Variants in ROBO2 observed in about 807,000 individuals in gnomAD.
ROBO2 encodes roundabout homolog 2.
In ROBO2, 53 loss-of-function variants were observed where a neutral mutation model predicts 160.8. The observed-to-expected ratio is 0.33, with a 90% CI of 0.26 to 0.41. The LOEUF is 0.41. Ranked by LOEUF, ROBO2 falls within the 10% of genes least tolerant of loss-of-function variation. The probability of loss-of-function intolerance (pLI) is 1.00; values close to 1 mark genes in which losing one functional copy is unlikely to be tolerated. For missense variants in ROBO2, 1,577 were observed against 1,722.4 expected, an observed-to-expected ratio of 0.92 and a Z score of 1.49; for synonymous variants, 664 against 611.7, an observed-to-expected ratio of 1.09 and a Z score of -1.26.
chr3:76,518,298 T>A (rs1334936303), intron 2 of ROBO2, among the ~76,000 whole-genome samples: 1 of 152,110 alleles, frequency 6.6e-6, no homozygotes, highest in African/African-American at 2.4e-5. Context: ...TTTTTAGAAT[T>A]TTTTTTCTTA....
At chr3:77,623,353 G>C (rs922082770) in intron 23 of ROBO2, among the ~76,000 whole-genome samples, 3 of 152,082 alleles carry the variant, frequency 2.0e-5, no homozygotes, top group Admixed American at 6.6e-5. Flanking sequence ...TTTCATCCTA[G>C]GAGATATTTT....
intron 2 of ROBO2, among the ~76,000 whole-genome samples, chr3:77,389,236 G>T (rs1404229641): frequency 2.6e-5 from 4 of 152,120 alleles, no homozygotes; most frequent in Admixed American, 2.6e-4. Context: ...GAGCCACCAC[G>T]CCAGGCCTTA....
At position 77,365,281 on chromosome 3, in the gene ROBO2, C is replaced by T. The variant is rs576612672; in HGVS notation, c.389-112133C>T. Reference sequence around the variant, plus strand: ...ATGGAGTTTTCTTCTTGACTGAAAGCTCCACTGAAGGAGGGTTTATGGCAG... The same window carrying T: ...ATGGAGTTTTCTTCTTGACTGAAAGTTCCACTGAAGGAGGGTTTATGGCAG... On this transcript the variant is annotated intron_variant, in intron 2 of 25. Transcript: ENST00000461745. Among the ~76,000 whole-genome samples, 22 of 152,168 alleles carry T rather than the reference C, an allele frequency of 1.4e-4. No homozygotes were observed. In the South Asian group the frequency reaches 4.1e-3, roughly 29 times the overall value.
chr3:76,920,653 CATT>C (rs2076597241), intron 2 of ROBO2, among the ~76,000 whole-genome samples: 1 of 152,206 alleles, frequency 6.6e-6, no homozygotes, highest in South Asian at 2.1e-4. Context: ...TGCTTAAAAA[CATT>C]ATATATGACA....
intron 6 of ROBO2, among the ~76,000 whole-genome samples, chr3:77,543,890 CT>C (rs1239818994): frequency 6.6e-6 from 1 of 152,024 alleles, no homozygotes; most frequent in Non-Finnish European, 1.5e-5. Context: ...TTATTCAAAT[CT>C]TTTAAGTGAC....
At chr3:77,538,726 A>G in intron 6 of ROBO2, 2 of 298,530 alleles carry the variant, frequency 6.7e-6, no homozygotes, top group South Asian at 5.8e-5. Flanking sequence ...GTAAAAATTA[A>G]ATAAAATTAA....
At chr3:76,052,461 C>G (rs2067686995) in intron 2 of ROBO2, among the ~76,000 whole-genome samples, 1 of 151,732 alleles carries the variant, frequency 6.6e-6, no homozygotes. Context: ...ATTTCATACC[C>G]CAATTATTTC....
chr3:76,255,689 A>C (rs1024132892), intron 2 of ROBO2, among the ~76,000 whole-genome samples: 20 of 152,144 alleles, frequency 1.3e-4, no homozygotes, highest in Admixed American at 2.0e-4. Context: ...TAAATTTAAG[A>C]GTTCAATCGA....
At chr3:76,197,355 C>A (rs539928524) in intron 2 of ROBO2, among the ~76,000 whole-genome samples, 21 of 122,012 alleles carry the variant, frequency 1.7e-4, no homozygotes, top group South Asian at 8.1e-4. Context: ...TGGATCTGGG[C>A]CTGCCTTTCT....
At chr3:77,530,831 CATTT>C (rs1235488040) in intron 6 of ROBO2, among the ~76,000 whole-genome samples, 1 of 151,944 alleles carries the variant, frequency 6.6e-6, no homozygotes, top group Non-Finnish European at 1.5e-5. Flanking sequence ...CTGAAATATT[CATTT>C]GTTTATTTGG....
chr3:76,211,671 A>G (rs906561326), intron 2 of ROBO2, among the ~76,000 whole-genome samples: 1 of 152,098 alleles, frequency 6.6e-6, no homozygotes, highest in African/African-American at 2.4e-5. Flanking sequence ...GATGCCATAC[A>G]GACTTTTAGA....
At chr3:77,006,305 T>TTG (rs60754546) in intron 2 of ROBO2, among the ~76,000 whole-genome samples, 45,134 of 143,762 alleles carry the variant, frequency 0.31, 6,976 homozygotes, top group African/African-American at 0.36. Flanking sequence ...ATTTTAATAT[T>TTG]TGTGTGTGTG....
intron 2 of ROBO2, among the ~76,000 whole-genome samples, chr3:77,421,908 T>A (rs558623362): frequency 3.9e-5 from 6 of 152,290 alleles, no homozygotes; most frequent in African/African-American, 1.4e-4. Flanking sequence ...AAATGTTATT[T>A]CCTTTTACAC....
At chr3:76,466,981 A>T (rs1330198791) in intron 2 of ROBO2, among the ~76,000 whole-genome samples, 1 of 152,090 alleles carries the variant, frequency 6.6e-6, no homozygotes, top group African/African-American at 2.4e-5. Context: ...TAATAGATAA[A>T]ATGGTAGGAC....
intron 2 of ROBO2, among the ~76,000 whole-genome samples, chr3:76,128,398 C>T (rs182923435): frequency 6.6e-6 from 1 of 152,132 alleles, no homozygotes; most frequent in East Asian, 1.9e-4. Context: ...TCTAGTCTTT[C>T]GAGGAGGAGC....
chr3:76,365,574 T>G (rs1182248978), intron 2 of ROBO2, among the ~76,000 whole-genome samples: 1 of 152,022 alleles, frequency 6.6e-6, no homozygotes, highest in Non-Finnish European at 1.5e-5. Flanking sequence ...GAAATAAAAG[T>G]GATGCTAATG....
intron 2 of ROBO2, among the ~76,000 whole-genome samples, chr3:76,033,982 C>T (rs1352506): frequency 0.28 from 42,102 of 152,092 alleles, 8,217 homozygotes; most frequent in African/African-American, 0.56. Flanking sequence ...ACATAACTTC[C>T]GTGACATTTC....
intron 21 of ROBO2, among the ~76,000 whole-genome samples, chr3:77,616,472 A>G (rs2094779219): frequency 6.6e-6 from 1 of 152,132 alleles, no homozygotes; most frequent in Non-Finnish European, 1.5e-5. Flanking sequence ...CGTGTTTAAC[A>G]AAGGGTGGAA....
chr3:76,851,889 A>C (rs951511858), intron 2 of ROBO2, among the ~76,000 whole-genome samples: 1 of 152,088 alleles, frequency 6.6e-6, no homozygotes, highest in African/African-American at 2.4e-5. Context: ...AGGTTGGAAG[A>C]ATTGGCTGCT....
Sources: allele counts gnomAD v4.1 joint callset (sites outside exome capture counted in the v4.1 genomes callset), GRCh38; gene constraint gnomAD v4.1.1; transcripts MANE v1.5; gene names NCBI Gene and HGNC (gene_info 2026-07-23, HGNC 2026-07-21).